Variants in RUNX1T1 observed in about 807,000 individuals in gnomAD.
RUNX1T1 encodes the protein RUNX1 partner transcriptional co-repressor 1.
Under a neutral mutation model 62.8 loss-of-function variants are expected in RUNX1T1, and 4 were observed. The observed-to-expected ratio is 0.06, with a 90% CI of 0.03 to 0.15. The LOEUF (loss-of-function observed/expected upper bound fraction) is 0.15, where lower values mean the gene tolerates loss of function less well. Among genes scored for constraint, RUNX1T1 ranks in the 10% least tolerant of loss-of-function variants. RUNX1T1 has a pLI of 1.00. For missense variants in RUNX1T1, 508 were observed against 754.3 expected (o/e 0.67, Z 3.82); for synonymous variants, 291 against 286.0 (o/e 1.02, Z -0.18).
intron 4 of RUNX1T1, among the ~76,000 whole-genome samples, chr8:92,008,402 A>T (rs879624396): frequency 0.018 from 2,760 of 149,796 alleles, 36 homozygotes; most frequent in Middle Eastern, 0.058. Flanking sequence ...ACACACACAC[A>T]CACACACACA....
At chr8:92,007,967 C>CAAAAAAAAAA (rs34232877) in intron 4 of RUNX1T1, among the ~76,000 whole-genome samples, 2 of 85,394 alleles carry the variant, frequency 2.3e-5, no homozygotes, top group Non-Finnish European at 5.0e-5. Flanking sequence ...GACTTTGTTT[C>CAAAAAAAAAA]AAAAAAAAAA....
At chr8:92,013,494 T>C (rs867317275) in intron 3 of RUNX1T1, among the ~76,000 whole-genome samples, 13 of 151,962 alleles carry the variant, frequency 8.6e-5, no homozygotes, top group Middle Eastern at 3.4e-3. Context: ...CTGGTATGGC[T>C]TTGCCCCTGA....
Position 92,019,619 on chromosome 8 carries a change from G to A in RUNX1T1, c.8-2256C>T, listed in dbSNP as rs116331246. Among the ~76,000 whole-genome samples the A allele has an allele frequency of 7.1e-3, 1,078 of 152,022 alleles. 12 individuals carry two copies. Among genetic ancestry groups the A allele is most frequent in the African/African-American group, 0.024 (1,004 of 41,456 alleles). ...CCTGACTCAAGTTTATAGAGTTAAG[G>A]AGCAATATCTAAACTTAAACATATT... is the stretch of plus-strand genomic sequence containing the variant. On this transcript the variant is annotated intron_variant, in intron 1 of 10. Coordinates refer to ENST00000396218, the Ensembl canonical transcript of RUNX1T1.
chr8:92,034,791 CATAT>C (rs145057755), intron 1 of RUNX1T1, among the ~76,000 whole-genome samples: 5 of 115,578 alleles, frequency 4.3e-5, no homozygotes, highest in African/African-American at 1.0e-4. Context: ...TATATATATA[CATAT>C]ATACACACAC....
At chr8:91,979,392 C>T (rs1814696521) in intron 8 of RUNX1T1, among the ~76,000 whole-genome samples, 1 of 152,092 alleles carries the variant, frequency 6.6e-6, no homozygotes, top group South Asian at 2.1e-4. Context: ...CTAATTCTTA[C>T]CCGTTAACTC....
intron 1 of RUNX1T1, among the ~76,000 whole-genome samples, chr8:92,043,661 C>A (rs2130190044): frequency 6.6e-6 from 1 of 152,064 alleles, no homozygotes; most frequent in Admixed American, 6.5e-5. Context: ...ATTAAAATCA[C>A]AATTTAAAAA....
chr8:91,960,584 ATATGT>A (rs942755943), intron 10 of RUNX1T1, 67 bp from the exon 12 acceptor site: 73 of 1,513,688 alleles, frequency 4.8e-5, no homozygotes, highest in Non-Finnish European at 6.5e-5. Flanking sequence ...AGTCTGACAA[ATATGT>A]TAGGCATCAC....
exon 6 of RUNX1T1, chr8:91,991,749 G>A (rs773280249): frequency 2.5e-6 from 4 of 1,613,982 alleles, no homozygotes; most frequent in African/African-American, 1.3e-5. Flanking sequence ...AGGTGGAGGT[G>A]GGGTAGGGTG....
intron 5 of RUNX1T1, among the ~76,000 whole-genome samples, chr8:91,999,671 AG>A (rs1424040275): frequency 6.6e-6 from 1 of 152,198 alleles, no homozygotes; most frequent in African/African-American, 2.4e-5. Flanking sequence ...TAGTGAGGAA[AG>A]AAGTGCTATA....
At chr8:91,987,617 TATC>T (rs1363907799) in intron 6 of RUNX1T1, among the ~76,000 whole-genome samples, 11 of 152,108 alleles carry the variant, frequency 7.2e-5, no homozygotes, top group Admixed American at 3.3e-4. Context: ...ATTTGACAAA[TATC>T]ATAAATCCAA....
chr8:92,064,254 G>T (rs1832531871), upstream of RUNX1T1, among the ~76,000 whole-genome samples: 1 of 152,078 alleles, frequency 6.6e-6, no homozygotes, highest in South Asian at 2.1e-4. Context: ...ACCCAAGAAG[G>T]GCTGCTTTAT....
intron 1 of RUNX1T1, among the ~76,000 whole-genome samples, chr8:92,083,943 T>C (rs1360963487): frequency 6.6e-6 from 1 of 152,138 alleles, no homozygotes; most frequent in African/African-American, 2.4e-5. Context: ...GTTCATGTCC[T>C]TTGCAGGGAC....
chr8:91,965,339 T>G (rs1198996308), intron 10 of RUNX1T1, among the ~76,000 whole-genome samples: 1 of 152,232 alleles, frequency 6.6e-6, no homozygotes, highest in Admixed American at 6.5e-5. Context: ...AAATGCCTCT[T>G]GTTGAAATTT....
intron 1 of RUNX1T1, chr8:92,095,336 A>C: frequency 6.5e-7 from 1 of 1,532,924 alleles, no homozygotes; most frequent in Non-Finnish European, 8.7e-7. Context: ...TCCCCTGTTC[A>C]CGGAGATTAC....
chr8:91,983,314 A>G (rs1291245025), intron 8 of RUNX1T1, among the ~76,000 whole-genome samples: 1 of 152,164 alleles, frequency 6.6e-6, no homozygotes, highest in Non-Finnish European at 1.5e-5. Context: ...TACTACAGAT[A>G]TATTTCAAAA....
At chr8:92,038,357 T>G (rs1366144712) in intron 1 of RUNX1T1, among the ~76,000 whole-genome samples, 1 of 152,044 alleles carries the variant, frequency 6.6e-6, no homozygotes, top group African/African-American at 2.4e-5. Flanking sequence ...GAAGGCAGGA[T>G]TCTAACTTTT....
At chr8:92,057,047 G>C (rs1002190644) in intron 1 of RUNX1T1, among the ~76,000 whole-genome samples, 1 of 152,118 alleles carries the variant, frequency 6.6e-6, no homozygotes, top group Admixed American at 6.5e-5. Context: ...ATAACATTAA[G>C]TCTCCTGATG....
intron 5 of RUNX1T1, among the ~76,000 whole-genome samples, chr8:91,994,228 A>G (rs1277884961): frequency 6.6e-6 from 1 of 152,220 alleles, no homozygotes; most frequent in Non-Finnish European, 1.5e-5. Context: ...GATCACTGAT[A>G]TCAGACTAAA....
chr8:91,994,500 T>C (rs1818306115), intron 5 of RUNX1T1: 3 of 436,352 alleles, frequency 6.9e-6, no homozygotes, highest in South Asian at 5.5e-5. Flanking sequence ...ACTGGCATTG[T>C]GGTGTAGTGG....
Sources: allele counts gnomAD v4.1 joint callset (sites outside exome capture counted in the v4.1 genomes callset), GRCh38; gene constraint gnomAD v4.1.1; transcripts MANE v1.5; gene names NCBI Gene and HGNC (gene_info 2026-07-23, HGNC 2026-07-21).